Variants in SLC8A1 observed in about 807,000 individuals in gnomAD.
SLC8A1 encodes the protein solute carrier family 8 member A1, also known as sodium/calcium exchanger 1.
SLC8A1 carries 18 observed loss-of-function variants against 68.3 expected under a neutral mutation model. That is an observed-to-expected ratio of 0.26 (90% CI 0.18 to 0.39). The LOEUF is 0.39. SLC8A1 is among the 10% of genes least tolerant of loss of function. SLC8A1 has a pLI of 1.00. For missense variants in SLC8A1, 985 were observed against 1,156.7 expected, an observed-to-expected ratio of 0.85 and a Z score of 2.15; for synonymous variants, 475 against 415.5, an observed-to-expected ratio of 1.14 and a Z score of -1.74.
At chr2:40,371,053 T>G (rs1352221196) in intron 2 of SLC8A1, among the ~76,000 whole-genome samples, 3 of 152,100 alleles carry the variant, frequency 2.0e-5, no homozygotes, top group South Asian at 2.1e-4. Context: ...CAGAAAGGTT[T>G]TGCTACATGG....
chr2:40,238,400 C>G (rs536419997), intron 2 of SLC8A1, among the ~76,000 whole-genome samples: 2 of 150,870 alleles, frequency 1.3e-5, no homozygotes, highest in Admixed American at 6.6e-5. Context: ...TTCTTTGACT[C>G]GGAAGGGAAA....
At chr2:40,386,473 C>G (rs920428507) in intron 2 of SLC8A1, among the ~76,000 whole-genome samples, 6 of 150,136 alleles carry the variant, frequency 4.0e-5, no homozygotes, top group Non-Finnish European at 5.9e-5. Context: ...AGAATGAATG[C>G]ATGAAAAATA....
Position 40,287,050 on chromosome 2 carries a change from C to T in SLC8A1, c.1809-109195G>A, listed in dbSNP as rs575089471. 2.0e-4 allele frequency among the ~76,000 whole-genome samples: 31 copies of T among 152,212 alleles called. No homozygotes were observed. In the South Asian group the frequency reaches 3.9e-3, roughly 19 times the overall value. On this transcript the variant is annotated intron_variant, in intron 2 of 7. Coordinates refer to ENST00000406785, the Ensembl canonical transcript of SLC8A1. Reference sequence around the variant, plus strand: ...TTTCACAGGAGTAACAGGTCACCTACCTCCCATGAAAGGAATTTAAAACAA... The same window carrying T: ...TTTCACAGGAGTAACAGGTCACCTATCTCCCATGAAAGGAATTTAAAACAA...
At chr2:40,313,974 C>T (rs1209495807) in intron 2 of SLC8A1, among the ~76,000 whole-genome samples, 1 of 151,794 alleles carries the variant, frequency 6.6e-6, no homozygotes, top group Non-Finnish European at 1.5e-5. Context: ...TCAGTCTAGC[C>T]TGTCTTTTCC....
intron 5 of SLC8A1, among the ~76,000 whole-genome samples, chr2:40,161,588 C>A (rs528132133): frequency 7.4e-4 from 112 of 152,286 alleles, no homozygotes; most frequent in Middle Eastern, 3.4e-3. Flanking sequence ...TTTTTAAGCA[C>A]CTTGTTTTGT....
At chr2:40,430,275 G>A (rs768751346) in exon 2 of SLC8A1, 14 of 1,605,996 alleles carry the variant, frequency 8.7e-6, no homozygotes, top group South Asian at 1.1e-5. Context: ...GCCGCATGTT[G>A]TACATGACAC....
chr2:40,352,040 G>A (rs894050961), intron 2 of SLC8A1, among the ~76,000 whole-genome samples: 2 of 152,140 alleles, frequency 1.3e-5, no homozygotes, highest in South Asian at 2.1e-4. Context: ...ACCAATGGAC[G>A]TTGCTTAAGT....
chr2:40,110,831 A>G (rs1006552023), exon 8 of SLC8A1: 6 of 152,290 alleles, frequency 3.9e-5, no homozygotes, highest in African/African-American at 1.4e-4. Context: ...TTGAGAAGGC[A>G]AAGTTCTGCC....
intron 2 of SLC8A1, among the ~76,000 whole-genome samples, chr2:40,222,521 C>G (rs2058466637): frequency 6.6e-6 from 1 of 152,136 alleles, no homozygotes; most frequent in Non-Finnish European, 1.5e-5. Context: ...CCAAAATTGA[C>G]AAATGGGATC....
chr2:40,500,940 CAGCCAAATCTAT>C (rs1329169311), intron 1 of SLC8A1, among the ~76,000 whole-genome samples: 1 of 151,540 alleles, frequency 6.6e-6, no homozygotes, highest in Non-Finnish European at 1.5e-5. Flanking sequence ...CTAGGACCCT[CAGCCAAATCTAT>C]AGCTCTCAAA....
chr2:40,257,426 T>G (rs569122356), intron 2 of SLC8A1, among the ~76,000 whole-genome samples: 1 of 126,244 alleles, frequency 7.9e-6, no homozygotes, highest in Non-Finnish European at 1.8e-5. Context: ...TTTACCACCT[T>G]TTTTTTTTTT....
chr2:40,165,520 T>C (rs894133201), intron 4 of SLC8A1, among the ~76,000 whole-genome samples: 2 of 152,194 alleles, frequency 1.3e-5, no homozygotes, highest in African/African-American at 4.8e-5. Flanking sequence ...AGAGACCCTA[T>C]TGCAAGTTAA....
intron 2 of SLC8A1, among the ~76,000 whole-genome samples, chr2:40,423,265 T>C (rs768469383): frequency 2.6e-5 from 4 of 152,124 alleles, no homozygotes; most frequent in African/African-American, 4.8e-5. Flanking sequence ...TTTTAAATTA[T>C]GCTTTTGTCC....
chr2:40,462,626 A>G (rs1703415934), intron 1 of SLC8A1, among the ~76,000 whole-genome samples: 1 of 151,696 alleles, frequency 6.6e-6, no homozygotes, highest in African/African-American at 2.4e-5. Flanking sequence ...TGAGCAACCT[A>G]GTGAGAACTC....
intron 2 of SLC8A1, among the ~76,000 whole-genome samples, chr2:40,186,779 T>G (rs1415487265): frequency 6.6e-6 from 1 of 152,216 alleles, no homozygotes; most frequent in Non-Finnish European, 1.5e-5. Flanking sequence ...ACATCAATGT[T>G]GTAAATCTAT....
chr2:40,458,024 G>A (rs1320645352), intron 1 of SLC8A1, among the ~76,000 whole-genome samples: 6 of 152,182 alleles, frequency 3.9e-5, no homozygotes, highest in African/African-American at 9.7e-5. Context: ...GTCAGAAGTC[G>A]AGTCTGGGCA....
At chr2:40,107,078 T>C (rs2034242033) in exon 8 of SLC8A1, 1 of 151,994 alleles carries the variant, frequency 6.6e-6, no homozygotes, top group African/African-American at 2.4e-5. Context: ...TAAGCTAAAA[T>C]ACGAACGGCA....
chr2:40,329,614 C>T (rs2076210394), intron 2 of SLC8A1, among the ~76,000 whole-genome samples: 2 of 152,184 alleles, frequency 1.3e-5, no homozygotes, highest in South Asian at 2.1e-4. Flanking sequence ...TATGACGTAT[C>T]TTCAAAACCA....
intron 2 of SLC8A1, among the ~76,000 whole-genome samples, chr2:40,363,997 A>T (rs2149486132): frequency 6.6e-6 from 1 of 152,216 alleles, no homozygotes; most frequent in African/African-American, 2.4e-5. Flanking sequence ...AAAAGGGCTA[A>T]TCAGAATAAC....
Sources: allele counts gnomAD v4.1 joint callset (sites outside exome capture counted in the v4.1 genomes callset), GRCh38; gene constraint gnomAD v4.1.1; transcripts MANE v1.5; gene names NCBI Gene and HGNC (gene_info 2026-07-23, HGNC 2026-07-21).